PDE7B: variants seen among roughly 807,000 people sequenced by gnomAD.
The protein encoded by PDE7B is phosphodiesterase 7B.
Under a neutral mutation model 56.2 loss-of-function variants are expected in PDE7B, and 29 were observed. The observed-to-expected ratio is 0.52, with a 90% CI of 0.38 to 0.70. The LOEUF is 0.70. Ranked by LOEUF, PDE7B falls within the 30% of genes least tolerant of loss-of-function variation. PDE7B has a pLI of 0.00. For missense variants in PDE7B, 490 were observed against 565.0 expected (o/e 0.87, Z 1.35); for synonymous variants, 197 against 196.9 (o/e 1.00, Z 0.00).
chr6:136,056,512 C>CTTTTTT lies in PDE7B; in HGVS notation c.83-52187_83-52182dup, dbSNP rs542232291. Among the ~76,000 whole-genome samples the CTTTTTT allele has an allele frequency of 5.6e-5, 3 of 53,942 alleles. 1 individual carries two copies. Among genetic ancestry groups the CTTTTTT allele is most frequent in the African/African-American group, 2.9e-4 (3 of 10,486 alleles). The allele number at this position is 53,942 out of a possible 152,430, so 35.4% of individuals were successfully genotyped here. ...TCTGAGCTCCTTTGCAGATAGAATCCTTTTTTTTTTTTTTTTTTTTTTTTT... is the reference window on the plus strand; with the variant it reads ...TCTGAGCTCCTTTGCAGATAGAATCCTTTTTTTTTTTTTTTTTTTTTTTTTTTTTTT... On this transcript the variant is annotated intron_variant, in intron 2 of 12. Coordinates refer to ENST00000308191, the MANE Select transcript of PDE7B (RefSeq NM_018945.4).
intron 1 of PDE7B, among the ~76,000 whole-genome samples, chr6:135,859,743 CA>C (rs1045619534): frequency 4.8e-5 from 7 of 145,982 alleles, no homozygotes; most frequent in South Asian, 2.2e-4. Flanking sequence ...AGTAGTAATA[CA>C]AAAAAAAAAT....
chr6:136,061,237 C>T (rs762464954), intron 2 of PDE7B, among the ~76,000 whole-genome samples: 4 of 152,156 alleles, frequency 2.6e-5, no homozygotes, highest in Non-Finnish European at 5.9e-5. Flanking sequence ...AATTCTTTCT[C>T]CTCTCATCTG....
intron 3 of PDE7B, among the ~76,000 whole-genome samples, chr6:136,127,369 TTTTTA>T (rs1778041363): frequency 1.3e-5 from 2 of 152,224 alleles, no homozygotes; most frequent in Non-Finnish European, 2.9e-5. Context: ...CAAGGATTTA[TTTTTA>T]TTTTAAGCTA....
At chr6:135,947,264 A>G (rs947906063) in intron 1 of PDE7B, among the ~76,000 whole-genome samples, 200 bp from the exon 2 acceptor site, 36 of 152,130 alleles carry the variant, frequency 2.4e-4, no homozygotes, top group African/African-American at 8.7e-4. Flanking sequence ...TAAGGCATGC[A>G]GAAACAATCT....
At chr6:136,043,829 GA>G (rs939779042) in intron 2 of PDE7B, 3 of 152,092 alleles carry the variant, frequency 2.0e-5, no homozygotes, top group African/African-American at 7.2e-5. Context: ...AGTGTTAAAA[GA>G]AAAATCAAGA....
At chr6:135,919,784 T>C (rs764768724) in intron 1 of PDE7B, among the ~76,000 whole-genome samples, 1 of 152,216 alleles carries the variant, frequency 6.6e-6, no homozygotes, top group Non-Finnish European at 1.5e-5. Context: ...GGATAGTATC[T>C]GATCCACGAA....
chr6:135,909,158 T>C (rs1162607369), intron 1 of PDE7B, among the ~76,000 whole-genome samples: 1 of 152,134 alleles, frequency 6.6e-6, no homozygotes, highest in African/African-American at 2.4e-5. Context: ...GTTAAATTAC[T>C]GTGAAATTTT....
chr6:136,009,774 T>C (rs865935684), intron 2 of PDE7B, among the ~76,000 whole-genome samples: 10 of 152,226 alleles, frequency 6.6e-5, no homozygotes, highest in Non-Finnish European at 8.8e-5. Flanking sequence ...TCATGTCATC[T>C]GCAAACAGGG....
intron 2 of PDE7B, among the ~76,000 whole-genome samples, chr6:135,990,826 C>T (rs1373171873): frequency 6.6e-6 from 1 of 152,174 alleles, no homozygotes; most frequent in Non-Finnish European, 1.5e-5. Context: ...GTCCATAGAG[C>T]TAAGTGACAG....
intron 2 of PDE7B, among the ~76,000 whole-genome samples, chr6:136,038,700 G>A (rs1437873475): frequency 6.6e-6 from 1 of 152,176 alleles, no homozygotes; most frequent in East Asian, 1.9e-4. Context: ...AATTAAGAGT[G>A]ATTTAGTAGG....
chr6:135,871,206 G>C (rs2128186698), intron 1 of PDE7B, among the ~76,000 whole-genome samples: 1 of 152,268 alleles, frequency 6.6e-6, no homozygotes, highest in African/African-American at 2.4e-5. Context: ...TTTAAATTGT[G>C]TCATTATTAT....
chr6:136,113,177 C>T (rs752952971), intron 3 of PDE7B, among the ~76,000 whole-genome samples: 11 of 152,050 alleles, frequency 7.2e-5, no homozygotes, highest in Non-Finnish European at 1.3e-4. Flanking sequence ...AAAATAAGTA[C>T]GTGAGGTAAT....
At chr6:136,070,433 T>C (rs1777028613) in intron 2 of PDE7B, 1 of 152,202 alleles carries the variant, frequency 6.6e-6, no homozygotes, top group African/African-American at 2.4e-5. Flanking sequence ...CTTTCAGGCC[T>C]ATATTTTTCA....
intron 1 of PDE7B, among the ~76,000 whole-genome samples, chr6:135,908,523 ATATT>A (rs1247675283): frequency 1.3e-5 from 2 of 152,220 alleles, no homozygotes; most frequent in Admixed American, 6.5e-5. Flanking sequence ...CTGTATAAAA[ATATT>A]TATAAGAATA....
At chr6:136,121,811 T>C (rs1160371247) in intron 3 of PDE7B, among the ~76,000 whole-genome samples, 1 of 152,134 alleles carries the variant, frequency 6.6e-6, no homozygotes, top group African/African-American at 2.4e-5. Context: ...AGACCAGGTA[T>C]GGGAAAATGC....
At chr6:136,162,290 T>C (rs1432283710) in intron 8 of PDE7B, 3 of 151,994 alleles carry the variant, frequency 2.0e-5, no homozygotes, top group Non-Finnish European at 4.4e-5. Context: ...AAGCTTACAA[T>C]CATAGCAGAA....
intron 2 of PDE7B, among the ~76,000 whole-genome samples, chr6:135,991,166 C>T (rs896685264): frequency 5.2e-4 from 79 of 152,206 alleles, no homozygotes; most frequent in African/African-American, 1.9e-3. Context: ...TTTACTGCAC[C>T]CTGTTTTGTC....
chr6:136,005,267 G>A (rs999663210), intron 2 of PDE7B, among the ~76,000 whole-genome samples: 2 of 152,142 alleles, frequency 1.3e-5, no homozygotes, highest in Admixed American at 6.6e-5. Flanking sequence ...GAAAACCTAG[G>A]CATTACCATT....
rs114222361 is a variant in PDE7B at position 136,028,515 on chromosome 6, G to T, written c.83-80216G>T. The stretch of plus-strand genomic sequence containing the variant: ...AATTCATTATCTTACAGTTCTGGAG[G>T]TAAAGTCAAGGTGTCTACAGGTCTG... On this transcript the variant is annotated intron_variant, in intron 2 of 12. Coordinates refer to ENST00000308191, the MANE Select transcript of PDE7B (RefSeq NM_018945.4). 9.9e-3 allele frequency among the ~76,000 whole-genome samples: 1,502 copies of T among 152,332 alleles called. 26 individuals are homozygous for T. Among genetic ancestry groups the T allele is most frequent in the African/African-American group, 0.033 (1,377 of 41,566 alleles).
Sources: gnomAD v4.1 joint callset for allele counts (sites outside exome capture counted in the v4.1 genomes callset) on GRCh38, gnomAD v4.1.1 for gene constraint, MANE v1.5 for transcripts, NCBI Gene and HGNC (gene_info 2026-07-23, HGNC 2026-07-21) for gene names.